The following FREM3 variants were observed in gnomAD, a reference collection of about 807,000 sequenced individuals.
The protein encoded by FREM3 is FRAS1 related extracellular matrix 3.
In FREM3, 105 loss-of-function variants were observed where a neutral mutation model predicts 129.1. That is an observed-to-expected ratio of 0.81 (90% CI 0.69 to 0.96). The LOEUF is 0.96. Among genes scored for constraint, FREM3 ranks in the 40% least tolerant of loss-of-function variants. The pLI is 0.00. For synonymous variants in FREM3, 1,014 were observed against 1,044.9 expected (o/e 0.97, Z 0.57); for missense variants, 2,593 against 2,666.3 (o/e 0.97, Z 0.61).
At position 143,699,984 on chromosome 4, in the gene FREM3, C is replaced by T. The variant is rs530091203; in HGVS notation, c.692G>A (p.Gly231Glu). The T allele has an allele frequency of 2.9e-4, 440 of 1,501,424 alleles. No homozygotes were observed. Among genetic ancestry groups the T allele is most frequent in the Non-Finnish European group, 3.7e-4 (422 of 1,126,836 alleles). 93.0% of individuals were successfully genotyped at this position (1,501,424 alleles called of 1,614,324 possible). Reference protein sequence around the residue: ...PKYGRLVDAVGAPLPRGKGVD... With the variant: ...PKYGRLVDAVEAPLPRGKGVD... ...GCCCTTGCCCCTGGGGAGAGGGGCC[C>T]CCACCGCGTCCACCAAGCGCCCGTA... The change falls in exon 1 of 8, where the codon GGG (glycine) becomes GAG (glutamate). Residue 231 changes from glycine (G) to glutamate (E), a missense_variant. Coordinates refer to ENST00000329798, the MANE Select transcript of FREM3 (RefSeq NM_001168235.2). This position sits in a 1 kb window ranked among gnomAD's most constrained non-coding sequence, Gnocchi z 4.2.
At chr4:143,624,946 A>AT (rs1199403217) in intron 3 of FREM3, among the ~76,000 whole-genome samples, 5 of 152,006 alleles carry the variant, frequency 3.3e-5, no homozygotes, top group Non-Finnish European at 7.4e-5. Context: ...ATGTTTAGTG[A>AT]TTTTTTGATT....
intron 6 of FREM3, among the ~76,000 whole-genome samples, chr4:143,595,847 CA>C (rs560516327): frequency 7.1e-6 from 1 of 139,924 alleles, no homozygotes; most frequent in East Asian, 2.0e-4. Context: ...GAGATCACGC[CA>C]CTGCACTCCA....
chr4:143,646,800 A>C (rs72940235), intron 2 of FREM3, among the ~76,000 whole-genome samples: 1 of 152,166 alleles, frequency 6.6e-6, no homozygotes, highest in Admixed American at 6.5e-5. Flanking sequence ...GGGTTCTTCT[A>C]TAAAGATACC....
intron 2 of FREM3, among the ~76,000 whole-genome samples, chr4:143,653,561 A>C (rs1739548084): frequency 6.6e-6 from 1 of 152,228 alleles, no homozygotes; most frequent in Non-Finnish European, 1.5e-5. Context: ...GTAAACCTAA[A>C]CATAGAAGTG....
chr4:143,700,057 T>A lies in FREM3; in HGVS notation c.619A>T (p.Arg207Trp), dbSNP rs1300359666. The stretch of plus-strand genomic sequence containing the variant: ...TGAGGAAGTGGGGTAAGCCGGCACC[T>A]GCGGGTGGCCGTGGCTCCAGACTTC... ...SLKSGATATR[R>W]CRLTPLPHED... The change falls in exon 1 of 8, where the codon AGG (arginine) becomes TGG (tryptophan). Residue 207 changes from arginine to tryptophan, a missense_variant. Arg to Trp is a moderately radical substitution (Grantham distance 101). Transcript: ENST00000329798. 6.6e-7 allele frequency: 1 copy of A among 1,522,502 alleles called. No individual in the cohort carries two copies. The highest frequency in any genetic ancestry group is 8.8e-7 in the Non-Finnish European group (1 of 1,136,776). 94.3% of individuals were successfully genotyped at this position (1,522,502 alleles called of 1,614,324 possible). A position where few individuals can be genotyped will look rare whatever the true frequency, so the allele number is the denominator to read the frequency against.
chr4:143,594,961 A>G (rs1738440755), intron 6 of FREM3, among the ~76,000 whole-genome samples: 1 of 152,370 alleles, frequency 6.6e-6, no homozygotes, highest in Middle Eastern at 3.4e-3. Flanking sequence ...TTTATGTTAA[A>G]TGGATTCCAC....
intron 7 of FREM3, among the ~76,000 whole-genome samples, chr4:143,583,972 A>G (rs1206481983): frequency 6.6e-6 from 1 of 152,254 alleles, no homozygotes; most frequent in East Asian, 1.9e-4. Flanking sequence ...TTAACCTTGA[A>G]TGAAAACAGG....
intron 6 of FREM3, among the ~76,000 whole-genome samples, chr4:143,592,747 G>C (rs186414070): frequency 1.3e-5 from 2 of 152,142 alleles, no homozygotes; most frequent in Non-Finnish European, 2.9e-5. Flanking sequence ...AGGAGTATTT[G>C]TGGCATTCTC....
chr4:143,686,383 C>T (rs200483849), intron 2 of FREM3, among the ~76,000 whole-genome samples: 1 of 152,130 alleles, frequency 6.6e-6, no homozygotes, highest in African/African-American at 2.4e-5. Context: ...TAGTGAAGGA[C>T]TTCAATACTC....
intron 6 of FREM3, among the ~76,000 whole-genome samples, chr4:143,602,278 T>C (rs1738586350): frequency 6.6e-6 from 1 of 152,178 alleles, no homozygotes; most frequent in African/African-American, 2.4e-5. Flanking sequence ...AATTTGACAG[T>C]TGGCTAATGC....
intron 2 of FREM3, among the ~76,000 whole-genome samples, chr4:143,652,445 A>T (rs1739529563): frequency 2.5e-5 from 1 of 39,482 alleles, no homozygotes; most frequent in Admixed American, 2.9e-4. Flanking sequence ...TACAGGCGTG[A>T]GCCACCGCGC....
intron 5 of FREM3, among the ~76,000 whole-genome samples, chr4:143,617,930 GCTT>G (rs1277240198): frequency 3.9e-5 from 6 of 152,168 alleles, no homozygotes; most frequent in Non-Finnish European, 4.4e-5. Context: ...TTCAAGCTGG[GCTT>G]CTTCTGGTAT....
Position 143,641,521 on chromosome 4 carries a change from G to T in FREM3, c.5276-13761C>A, listed in dbSNP as rs1739320928. Among the ~76,000 whole-genome samples, 4 of 152,202 alleles carry T rather than the reference G, an allele frequency of 2.6e-5. No individual in the cohort carries two copies. The South Asian group carries it at 8.3e-4, about 32-fold the overall frequency. The stretch of plus-strand genomic sequence containing the variant: ...AATAAAACAATAATTAGCGAGGAAA[G>T]GTTGGAAGTTAAGTAAACCACAGCA... On this transcript the variant is annotated intron_variant, in intron 2 of 7. Transcript: ENST00000329798.
chr4:143,614,085 C>G (rs775690325), intron 5 of FREM3, among the ~76,000 whole-genome samples: 1 of 152,088 alleles, frequency 6.6e-6, no homozygotes, highest in African/African-American at 2.4e-5. Context: ...TATAATACTT[C>G]TTGAAAATCA....
chr4:143,660,174 T>TG (rs1739684141), intron 2 of FREM3, among the ~76,000 whole-genome samples: 1 of 149,282 alleles, frequency 6.7e-6, no homozygotes, highest in South Asian at 2.1e-4. Context: ...ATGTCCTGAA[T>TG]GGTAATGCCT....
Position 143,619,648 on chromosome 4 carries a change from A to G in FREM3, c.5779+1389T>C, listed in dbSNP as rs564979940. Among the ~76,000 whole-genome samples the G allele has an allele frequency of 1.1e-4, 17 of 152,366 alleles. No homozygotes were observed. The East Asian group carries it at 3.1e-3, about 28-fold the overall frequency. On this transcript the variant is annotated intron_variant, in intron 5 of 7. Coordinates refer to ENST00000329798, the MANE Select transcript of FREM3 (RefSeq NM_001168235.2). ...CATAAATAAAATGAACATGAGCTAC[A>G]TACACAGTGCAGTGGAAAGCAGACT...
chr4:143,694,302 G>A (rs145531841), intron 1 of FREM3, among the ~76,000 whole-genome samples: 229 of 152,272 alleles, frequency 1.5e-3, no homozygotes, highest in African/African-American at 4.9e-3. Flanking sequence ...TGAATCTTCT[G>A]CACAAGTATA....
intron 2 of FREM3, among the ~76,000 whole-genome samples, chr4:143,649,675 A>C (rs1396299946): frequency 6.6e-6 from 1 of 152,108 alleles, no homozygotes; most frequent in African/African-American, 2.4e-5. Context: ...GCTGTATATA[A>C]ATTTTTTTCT....
chr4:143,685,332 G>A (rs1740340785), intron 2 of FREM3, among the ~76,000 whole-genome samples: 1 of 152,140 alleles, frequency 6.6e-6, no homozygotes, highest in Non-Finnish European at 1.5e-5. Context: ...GAAGGGATTG[G>A]GGGCCTATCT....
Sources: gnomAD v4.1 joint callset for allele counts (sites outside exome capture counted in the v4.1 genomes callset) on GRCh38, gnomAD v4.1.1 for gene constraint, Gnocchi (gnomAD v3.1) non-coding constraint, MANE v1.5 for transcripts, NCBI Gene and HGNC (gene_info 2026-07-23, HGNC 2026-07-21) for gene names.